CCDC110: variants seen among roughly 807,000 people sequenced by gnomAD.
CCDC110 encodes coiled-coil domain-containing protein 110.
Under a neutral mutation model 77.1 loss-of-function variants are expected in CCDC110, and 70 were observed. The ratio of observed to expected loss-of-function variants is 0.91; its 90% CI spans 0.75 to 1.11. CCDC110 has a LOEUF of 1.11. Among genes scored for constraint, CCDC110 ranks in the 50% least tolerant of loss-of-function variants. The pLI, the probability that CCDC110 is intolerant of heterozygous loss-of-function variation, is 0.00. For synonymous variants in CCDC110, 295 were observed against 312.5 expected, an observed-to-expected ratio of 0.94 and a Z score of 0.59; for missense variants, 868 against 942.9, an observed-to-expected ratio of 0.92 and a Z score of 1.04.
Position 185,468,881 on chromosome 4 carries a change from G to A in CCDC110, c.115+2064C>T, listed in dbSNP as rs2095660810. Among the ~76,000 whole-genome samples the A allele has an allele frequency of 6.6e-6, 1 of 152,192 alleles. No homozygotes were observed. The highest frequency in any genetic ancestry group is 1.5e-5 in the Non-Finnish European group (1 of 68,032). ...AGAAGGTAAGCTCCATGTGGGCAGG[G>A]AATCTTGCAAGTCTTGTTCACTGTT... On this transcript the variant is annotated intron_variant, in intron 2 of 6. Coordinates refer to ENST00000307588, the MANE Select transcript of CCDC110 (RefSeq NM_152775.4). This position sits in a 1 kb window ranked among gnomAD's most constrained non-coding sequence, Gnocchi z 4.5.
intron 6 of CCDC110, chr4:185,457,284 A>G (rs560635759): frequency 6.6e-6 from 3 of 456,242 alleles, no homozygotes; most frequent in East Asian, 1.4e-4. Context: ...GAAGCTAGAG[A>G]TTGTGTTTCC....
chr4:185,465,381 A>G (rs2095653626), intron 2 of CCDC110, among the ~76,000 whole-genome samples: 1 of 152,268 alleles, frequency 6.6e-6, no homozygotes, highest in African/African-American at 2.4e-5. Flanking sequence ...ACAGTAAATC[A>G]AAGATTTCAA....
intron 6 of CCDC110, chr4:185,457,623 A>G (rs2095637895): frequency 1.1e-5 from 6 of 560,334 alleles, no homozygotes; most frequent in Non-Finnish European, 1.5e-5. Context: ...TCTTGACAGT[A>G]TAAAATATAT....
chr4:185,461,835 C>T (rs994802669), intron 4 of CCDC110, among the ~76,000 whole-genome samples: 4 of 152,162 alleles, frequency 2.6e-5, no homozygotes, highest in African/African-American at 4.8e-5. Context: ...CGGTGGCTCA[C>T]GCCTGTAATC....
chr4:185,469,980 T>A (rs1395640286), intron 2 of CCDC110, among the ~76,000 whole-genome samples: 1 of 152,194 alleles, frequency 6.6e-6, no homozygotes, highest in East Asian at 1.9e-4. Flanking sequence ...GCTCTGCTCC[T>A]TCCCCGGCAT....
chr4:185,448,864 G>GC lies in CCDC110; in HGVS notation c.2462-3323_2462-3322insG, dbSNP rs78492930. On this transcript the variant is annotated intron_variant, in intron 6 of 6. Transcript: ENST00000307588. ...CTGAGAAAGTTCTATGATGCTGTTA[G>GC]AACTTTGGAACAGGGAGAAAGAGAA... Among the ~76,000 whole-genome samples, 3 of 152,068 alleles carry GC rather than the reference G, an allele frequency of 2.0e-5. No homozygotes were observed. In the East Asian group the frequency reaches 5.8e-4, roughly 29 times the overall value.
At position 185,459,083 on chromosome 4, in the gene CCDC110, T is replaced by C. The variant is rs778818275; in HGVS notation, c.1504A>G (p.Lys502Glu). 4 of 1,575,696 alleles carry C rather than the reference T, an allele frequency of 2.5e-6. No individual in the cohort carries two copies. The South Asian group carries it at 3.5e-5, about 14-fold the overall frequency. ...TTTTTAAATTCTTTAAGACACTCTT[T>C]GCTGTATTCTTCTGTTTTACTTAAC... is the stretch of plus-strand genomic sequence containing the variant. ...SKLSKTEEYS[K>E]ECLKEFKKII... is the part of the protein sequence containing the mutation. The change falls in exon 6 of 7, where the codon AAA becomes GAA. Residue 502 changes from lysine (K) to glutamate (E), a missense_variant. Lys to Glu is a moderately conservative substitution (Grantham distance 56, BLOSUM62 1). Transcript: ENST00000307588.
intron 6 of CCDC110, among the ~76,000 whole-genome samples, chr4:185,456,313 A>G (rs2095635932): frequency 6.6e-6 from 1 of 152,214 alleles, no homozygotes; most frequent in African/African-American, 2.4e-5. Context: ...GAAAATGAAA[A>G]CATACCAGAC....
chr4:185,457,705 AATT>A, intron 6 of CCDC110: 6 of 1,106,702 alleles, frequency 5.4e-6, no homozygotes, highest in Non-Finnish European at 7.3e-6. Context: ...CATAATTTAA[AATT>A]ATTTTGTGGG....
At chr4:185,450,206 G>T (rs2095626737) in intron 6 of CCDC110, among the ~76,000 whole-genome samples, 1 of 152,202 alleles carries the variant, frequency 6.6e-6, no homozygotes, top group South Asian at 2.1e-4. Context: ...CTTATGTAAA[G>T]CATCAGGTTA....
chr4:185,449,900 G>A (rs371197418), intron 6 of CCDC110: 25 of 290,622 alleles, frequency 8.6e-5, no homozygotes, highest in African/African-American at 3.1e-4. Context: ...ATAAAATCCC[G>A]GAGTGCAATC....
At chr4:185,470,213 C>T (rs1372482760) in intron 2 of CCDC110, among the ~76,000 whole-genome samples, 2 of 152,198 alleles carry the variant, frequency 1.3e-5, no homozygotes, top group African/African-American at 4.8e-5. Flanking sequence ...AAAAGGTATA[C>T]ACCCCTCCCT....
chr4:185,462,922 G>A (rs1158905506), intron 3 of CCDC110, 72 bp downstream of exon 3: 1 of 1,257,592 alleles, frequency 8.0e-7, no homozygotes, highest in East Asian at 2.3e-5. Context: ...TTGCATTTAG[G>A]GAGTATTTAT....
rs146304274 is a variant in CCDC110, at chr4:185,463,214, C to T, written c.116-165G>A. ...TCACATAAGCTTAAGTGATAATTCT[C>T]GCTTGACTTAATATATCCACTTGAG... On this transcript the variant is annotated intron_variant, in intron 2 of 6. Coordinates refer to ENST00000307588, the MANE Select transcript of CCDC110 (RefSeq NM_152775.4). Among the ~76,000 whole-genome samples, 787 of 152,296 alleles carry T rather than the reference C, an allele frequency of 5.2e-3. 13 individuals carry two copies. The highest frequency in any genetic ancestry group is 0.018 in the African/African-American group (728 of 41,556).
At chr4:185,460,377 A>G (rs2095643928) in intron 5 of CCDC110, 139 bp from the exon 6 acceptor site, 1 of 590,106 alleles carries the variant, frequency 1.7e-6, no homozygotes, top group Non-Finnish European at 2.8e-6. Flanking sequence ...GAGCATAACA[A>G]GTATGATTTA....
At chr4:185,447,811 C>T (rs953711745) in intron 6 of CCDC110, among the ~76,000 whole-genome samples, 4 of 152,124 alleles carry the variant, frequency 2.6e-5, no homozygotes, top group Non-Finnish European at 5.9e-5. Flanking sequence ...GACAGAAGCT[C>T]TAAATTGCTA....
At chr4:185,454,033 G>A (rs911962876) in intron 6 of CCDC110, among the ~76,000 whole-genome samples, 1 of 151,956 alleles carries the variant, frequency 6.6e-6, no homozygotes, top group Non-Finnish European at 1.5e-5. Context: ...GGTCAGGCTG[G>A]TCTTGAACTC....
At position 185,459,187 on chromosome 4, in the gene CCDC110, T is replaced by A; in HGVS notation, c.1400A>T (p.Gln467Leu). 1 of 1,600,932 alleles carries A rather than the reference T, an allele frequency of 6.2e-7. No individual in the cohort carries two copies. The highest frequency in any genetic ancestry group is 8.5e-7 in the Non-Finnish European group (1 of 1,175,740). Residue 467 changes from glutamine (Q) to leucine (L), a missense_variant, in exon 6 of 7, where the codon CAA becomes CTA. Coordinates refer to ENST00000307588, the MANE Select transcript of CCDC110 (RefSeq NM_152775.4). ...TGTTTCAACTTTCTGTATGAGAGATTGTGTGGTAAAGATAAGAGGTTTCAT... is the reference window on the plus strand; with the variant it reads ...TGTTTCAACTTTCTGTATGAGAGATAGTGTGGTAAAGATAAGAGGTTTCAT... Reference protein sequence around the residue: ...SKMKPLIFTTQSLIQKVETYE... With the variant: ...SKMKPLIFTTLSLIQKVETYE...
chr4:185,459,176 G>A lies in CCDC110; in HGVS notation c.1411C>T (p.Gln471Ter). The stretch of plus-strand genomic sequence containing the variant: ...TGCTTTTCATATGTTTCAACTTTCT[G>A]TATGAGAGATTGTGTGGTAAAGATA... ...PLIFTTQSLI[Q>*]KVETYEKQLK... Residue 471 changes from glutamine (Q) to a stop codon, truncating the protein, a stop_gained, in exon 6 of 7, where the codon CAG (glutamine) becomes TAG (stop). Transcript: ENST00000307588. LOFTEE classifies it high-confidence loss of function. 1 of 1,601,630 alleles carries A rather than the reference G, an allele frequency of 6.2e-7. No individual in the cohort carries two copies. The highest frequency in any genetic ancestry group is 8.5e-7 in the Non-Finnish European group (1 of 1,175,316).
Sources: allele counts gnomAD v4.1 joint callset (sites outside exome capture counted in the v4.1 genomes callset), GRCh38; gene constraint gnomAD v4.1.1; non-coding constraint Gnocchi (gnomAD v3.1); transcripts MANE v1.5; gene names NCBI Gene and HGNC (gene_info 2026-07-23, HGNC 2026-07-21).